C1orf146: variants seen among roughly 807,000 people sequenced by gnomAD.
The protein encoded by C1orf146 is protein SPO16 homolog.
A neutral mutation model predicts 23.0 loss-of-function variants in C1orf146; 22 were observed. The ratio of observed to expected loss-of-function variants is 0.96; its 90% CI spans 0.68 to 1.36. The LOEUF (loss-of-function observed/expected upper bound fraction) is 1.36. Ranked by LOEUF, C1orf146 falls within the 40% of genes most tolerant of loss-of-function variation. The probability of loss-of-function intolerance (pLI) is 0.00; values close to 1 mark genes in which losing one functional copy is unlikely to be tolerated. For synonymous variants in C1orf146, 59 were observed against 65.3 expected (o/e 0.90, Z 0.47); for missense variants, 199 against 206.8 (o/e 0.96, Z 0.23).
intron 1 of C1orf146, among the ~76,000 whole-genome samples, chr1:92,220,081 G>T (rs1168776301): frequency 6.6e-6 from 1 of 151,886 alleles, no homozygotes; most frequent in African/African-American, 2.4e-5. Context: ...GGGTTTTTTT[G>T]TTTGTTTGTT....
chr1:92,243,428 G>A (rs996513543), intron 3 of C1orf146, among the ~76,000 whole-genome samples: 2 of 151,048 alleles, frequency 1.3e-5, no homozygotes, highest in African/African-American at 4.9e-5. Context: ...CTCACTGCAA[G>A]CTCCGCCTCC....
Position 92,245,805 on chromosome 1 carries a change from ATTTT to A in C1orf146, c.*132_*135del, listed in dbSNP as rs1318474560. On this transcript the variant is annotated 3_prime_UTR_variant, in exon 6 of 6. Coordinates refer to ENST00000370375, the MANE Select transcript of C1orf146 (RefSeq NM_001012425.2). ...AACATATACAATTAAAAGTGATTTT[ATTTT>A]AGGAGTTTCGCTGCAAGATTTAACG... 1 of 601,712 alleles carries A rather than the reference ATTTT, an allele frequency of 1.7e-6. No homozygotes were observed. Among genetic ancestry groups the A allele is most frequent in the African/African-American group, 1.9e-5 (1 of 51,542 alleles). The allele number at this position is 601,712 out of a possible 1,614,324, so 37.3% of individuals were successfully genotyped here.
chr1:92,235,113 C>G (rs865867435), intron 2 of C1orf146, among the ~76,000 whole-genome samples: 52 of 151,748 alleles, frequency 3.4e-4, no homozygotes, highest in African/African-American at 8.9e-4. Flanking sequence ...ATTTCCTTCA[C>G]TTCTGCTCTG....
intron 2 of C1orf146, among the ~76,000 whole-genome samples, chr1:92,233,071 CTGA>C (rs1405344096): frequency 6.6e-6 from 1 of 152,104 alleles, no homozygotes; most frequent in Non-Finnish European, 1.5e-5. Flanking sequence ...CCTGTTCACT[CTGA>C]TGGTAGTTTC....
chr1:92,240,297 A>G (rs1652400272), intron 2 of C1orf146, among the ~76,000 whole-genome samples: 1 of 152,190 alleles, frequency 6.6e-6, no homozygotes, highest in African/African-American at 2.4e-5. Flanking sequence ...CATATATTTG[A>G]ATTTCTGTGT....
intron 1 of C1orf146, among the ~76,000 whole-genome samples, chr1:92,221,383 G>A (rs530001764): frequency 1.9e-4 from 29 of 152,226 alleles, no homozygotes; most frequent in African/African-American, 6.7e-4. Flanking sequence ...TTTGGGTACT[G>A]TGCTCACTAC....
chr1:92,238,682 T>A (rs1652355650), intron 2 of C1orf146, among the ~76,000 whole-genome samples: 1 of 152,186 alleles, frequency 6.6e-6, no homozygotes, highest in Admixed American at 6.5e-5. Context: ...TTATTGAAAT[T>A]CATTAGCATG....
chr1:92,222,646 G>A (rs1157056939), intron 1 of C1orf146, among the ~76,000 whole-genome samples: 4 of 148,894 alleles, frequency 2.7e-5, no homozygotes, highest in Non-Finnish European at 5.9e-5. Flanking sequence ...GAGTGCAGTG[G>A]CGCCATCTTG....
chr1:92,221,362 A>G (rs1028554141), intron 1 of C1orf146, among the ~76,000 whole-genome samples: 2 of 152,154 alleles, frequency 1.3e-5, no homozygotes, highest in Non-Finnish European at 2.9e-5. Context: ...ATAAGGGCTG[A>G]AAAACTACCT....
At chr1:92,239,727 G>C (rs1652384548) in intron 2 of C1orf146, among the ~76,000 whole-genome samples, 2 of 151,824 alleles carry the variant, frequency 1.3e-5, no homozygotes, top group Admixed American at 1.3e-4. Context: ...CTCCAGTCTG[G>C]GTGACAGAGT....
At position 92,224,011 on chromosome 1, in the gene C1orf146, A is replaced by G. The variant is rs369055225; in HGVS notation, c.-40+5963A>G. On this transcript the variant is annotated intron_variant, in intron 1 of 5. Transcript: ENST00000370375. ...GCAGTTTTGTTGTTGTTGTTGTTTT[A>G]TTTTATTTATTTATTTATTTATTTA... is the stretch of plus-strand genomic sequence containing the variant. Among the ~76,000 whole-genome samples, 357 of 138,262 alleles carry G rather than the reference A, an allele frequency of 2.6e-3. 2 individuals carry two copies. The highest frequency in any genetic ancestry group is 9.1e-3 in the South Asian group (40 of 4,382). 90.7% of individuals were successfully genotyped at this position (138,262 alleles called of 152,430 possible).
chr1:92,223,811 G>T (rs1204707208), intron 1 of C1orf146, among the ~76,000 whole-genome samples: 2 of 152,084 alleles, frequency 1.3e-5, no homozygotes, highest in Admixed American at 6.5e-5. Context: ...TGGGATTACA[G>T]GCCTGAGCCA....
chr1:92,245,518 G>A (rs1261416259), intron 5 of C1orf146, 22 bp from the exon 6 acceptor site: 11 of 1,557,920 alleles, frequency 7.1e-6, no homozygotes, highest in Middle Eastern at 3.4e-4. Flanking sequence ...AAATAATGCT[G>A]CATCTTTATA....
intron 2 of C1orf146, 129 bp downstream of exon 2, chr1:92,231,615 A>G: frequency 1.9e-6 from 1 of 520,872 alleles, no homozygotes; most frequent in Non-Finnish European, 3.4e-6. Flanking sequence ...GAAGTACATA[A>G]GCTAAATGTA....
intron 1 of C1orf146, among the ~76,000 whole-genome samples, chr1:92,221,931 T>C (rs986111906): frequency 6.6e-6 from 1 of 152,186 alleles, no homozygotes. Context: ...TATTGAATAT[T>C]TTCAGAGCTA....
intron 1 of C1orf146, among the ~76,000 whole-genome samples, 167 bp from the exon 2 acceptor site, chr1:92,231,215 G>A (rs1652112103): frequency 6.6e-6 from 1 of 152,208 alleles, no homozygotes; most frequent in African/African-American, 2.4e-5. Context: ...GGGAAGCATA[G>A]TATTGAATAG....
chr1:92,241,017 T>C (rs907600993), intron 2 of C1orf146: 6 of 418,048 alleles, frequency 1.4e-5, no homozygotes, highest in Non-Finnish European at 2.9e-5. Context: ...ATTTTAAAAG[T>C]ATACTAAAGT....
intron 1 of C1orf146, chr1:92,229,012 T>C: frequency 6.3e-6 from 3 of 473,192 alleles, no homozygotes; most frequent in African/African-American, 4.0e-5. Flanking sequence ...TCACAGTCTA[T>C]TTAGAAGCAT....
chr1:92,231,013 A>G (rs1189404931), intron 1 of C1orf146, among the ~76,000 whole-genome samples: 2 of 152,168 alleles, frequency 1.3e-5, no homozygotes, highest in African/African-American at 4.8e-5. Flanking sequence ...CTATACTGCT[A>G]TTGCTCTGAG....
Sources: gnomAD v4.1 joint callset for allele counts (sites outside exome capture counted in the v4.1 genomes callset) on GRCh38, gnomAD v4.1.1 for gene constraint, MANE v1.5 for transcripts, NCBI Gene and HGNC (gene_info 2026-07-23, HGNC 2026-07-21) for gene names.